IGDCC3: variants seen among roughly 807,000 people sequenced by gnomAD.
IGDCC3 encodes putative neuronal cell adhesion molecule.
In IGDCC3, 47 loss-of-function variants were observed where a neutral mutation model predicts 72.0. That is an observed-to-expected ratio of 0.65 (90% CI 0.52 to 0.83). The LOEUF is 0.83. IGDCC3 is among the 40% of genes least tolerant of loss of function. IGDCC3 has a pLI of 0.00. For missense variants in IGDCC3, 1,038 were observed against 1,091.3 expected, an observed-to-expected ratio of 0.95 and a Z score of 0.69; for synonymous variants, 477 against 472.8, an observed-to-expected ratio of 1.01 and a Z score of -0.11.
chr15:65,333,450 C>CAGAT, intron 5 of IGDCC3, 35 bp from the exon 6 acceptor site: 1 of 1,553,664 alleles, frequency 6.4e-7, no homozygotes, highest in East Asian at 2.3e-5. Flanking sequence ...GGGTGAGGGT[C>CAGAT]AGATAGAGAT....
Position 65,328,412 on chromosome 15 carries a change from G to A in IGDCC3, c.*497C>T, listed in dbSNP as rs1179864269. The A allele has an allele frequency of 6.6e-6, 1 of 152,212 alleles. No homozygotes were observed. Among genetic ancestry groups the A allele is most frequent in the Non-Finnish European group, 1.5e-5 (1 of 68,080 alleles). The allele number at this position is 152,212 out of a possible 1,614,324, so 9.4% of individuals were successfully genotyped here. Reference sequence around the variant, plus strand: ...GGCTCTGTGGGGTAAGGGGGCTGAGGCCACCGCCCCACTGCCCCCCAGGAC... The same window carrying A: ...GGCTCTGTGGGGTAAGGGGGCTGAGACCACCGCCCCACTGCCCCCCAGGAC... On this transcript the variant is annotated 3_prime_UTR_variant, in exon 14 of 14. Coordinates refer to ENST00000327987, the MANE Select transcript of IGDCC3 (RefSeq NM_004884.4).
chr15:65,362,120 G>GA lies in IGDCC3; in HGVS notation c.409+12976_409+12977insT, dbSNP rs2091265922. Among the ~76,000 whole-genome samples the GA allele has an allele frequency of 2.0e-5, 3 of 152,162 alleles. No homozygotes were observed. The East Asian group carries it at 5.8e-4, about 29-fold the overall frequency. On this transcript the variant is annotated intron_variant, in intron 2 of 13. Coordinates refer to ENST00000327987, the MANE Select transcript of IGDCC3 (RefSeq NM_004884.4). ...AAAAGAAGTGGTACAGAGGGAGCTG[G>GA]GGGGCCTGGAGGGAGGCAGAGGAGG...
intron 2 of IGDCC3, among the ~76,000 whole-genome samples, chr15:65,367,662 T>C (rs1312711021): frequency 6.6e-6 from 1 of 152,098 alleles, no homozygotes. Flanking sequence ...GTCCCAGGGC[T>C]TGCCCCACTC....
In IGDCC3 at chr15:65,331,911, T is replaced by C. The variant is rs768023017; in HGVS notation, c.1148+30A>G. ...CCCCGCTTTCCCTGCTCTCCCCTGG[T>C]CCTCACCCCAGCACACACCACACAC... On this transcript the variant is annotated intron_variant, in intron 7 of 13. Transcript: ENST00000327987. 2.5e-6 allele frequency: 4 copies of C among 1,599,682 alleles called. No homozygotes were observed. The East Asian group carries it at 8.9e-5, about 36-fold the overall frequency.
chr15:65,333,422 A>G lies in IGDCC3; in HGVS notation c.824-7T>C. ...ACCCCGATAGGGCGACCATCTGCAGAGGAAGGGGAGGGGGGATGGGTGAGG... is the reference window on the plus strand; with the variant it reads ...ACCCCGATAGGGCGACCATCTGCAGGGGAAGGGGAGGGGGGATGGGTGAGG... On this transcript the variant is annotated splice_region_variant and splice_polypyrimidine_tract_variant and intron_variant, in intron 5 of 13. Transcript: ENST00000327987. 1 of 1,591,608 alleles carries G rather than the reference A, an allele frequency of 6.3e-7. No individual in the cohort carries two copies. Among genetic ancestry groups the G allele is most frequent in the Non-Finnish European group, 8.6e-7 (1 of 1,168,742 alleles).
intron 2 of IGDCC3, among the ~76,000 whole-genome samples, chr15:65,352,160 C>T (rs2091178877): frequency 6.6e-6 from 1 of 152,164 alleles, no homozygotes; most frequent in South Asian, 2.1e-4. Flanking sequence ...TAAAACGTTG[C>T]TGATCCTTTG....
Position 65,329,997 on chromosome 15 carries a change from C to T in IGDCC3, c.1859-133G>A. The T allele has an allele frequency of 1.1e-6, 1 of 927,796 alleles. No homozygotes were observed. The highest frequency in any genetic ancestry group is 1.6e-6 in the Non-Finnish European group (1 of 606,646). 57.5% of individuals were successfully genotyped at this position (927,796 alleles called of 1,614,324 possible). ...GGAGTGGGAACATCCTTTGACTTTG[C>T]CTACAGGACTCCAGACCAATCTTTT... On this transcript the variant is annotated intron_variant, in intron 11 of 13. Transcript: ENST00000327987. This position sits in a 1 kb window ranked among gnomAD's most constrained non-coding sequence, Gnocchi z 4.1.
chr15:65,347,768 T>C (rs2091137129), intron 2 of IGDCC3, among the ~76,000 whole-genome samples: 1 of 152,008 alleles, frequency 6.6e-6, no homozygotes, highest in African/African-American at 2.4e-5. Context: ...CTGTCCTTAC[T>C]AAAAATATAA....
intron 2 of IGDCC3, among the ~76,000 whole-genome samples, chr15:65,343,118 C>T (rs1188821133): frequency 6.6e-6 from 1 of 152,132 alleles, no homozygotes. Flanking sequence ...AGAGCCACTG[C>T]AATAGGGGGA....
At chr15:65,362,753 T>G (rs956581879) in intron 2 of IGDCC3, among the ~76,000 whole-genome samples, 1 of 152,030 alleles carries the variant, frequency 6.6e-6, no homozygotes, top group African/African-American at 2.4e-5. Flanking sequence ...TGTCTGCATC[T>G]TGCACTGGGT....
chr15:65,375,233 C>T lies in IGDCC3; in HGVS notation c.273G>A (p.Leu91=), dbSNP rs138465649. The T allele has an allele frequency of 3.3e-4, 537 of 1,614,242 alleles. 2 individuals carry two copies. The African/African-American group carries it at 6.1e-3, about 18-fold the overall frequency. ...GACGGATCATCAAGGACCCATTGGC[C>T]AGCAAGGTGGAGTGGGTACTCTCTG... ...ELPESTHSTL[L]ANGSLMIRHF... Residue 91 remains leucine, a synonymous_variant, in exon 2 of 14, where the codon CTG becomes CTA. Coordinates refer to ENST00000327987, the MANE Select transcript of IGDCC3 (RefSeq NM_004884.4).
At chr15:65,362,047 A>T (rs2091265405) in intron 2 of IGDCC3, among the ~76,000 whole-genome samples, 1 of 152,028 alleles carries the variant, frequency 6.6e-6, no homozygotes, top group South Asian at 2.1e-4. Context: ...AAGGGGGAGA[A>T]TGACAAGAGC....
chr15:65,345,780 A>G (rs1420988046), intron 2 of IGDCC3, among the ~76,000 whole-genome samples: 1 of 152,166 alleles, frequency 6.6e-6, no homozygotes. Context: ...TTCCATCTGT[A>G]TAACTCTGAG....
At position 65,330,365 on chromosome 15, in the gene IGDCC3, C is replaced by T. The variant is rs774497907; in HGVS notation, c.1786G>A (p.Ala596Thr). The change falls in exon 11 of 14, where the codon GCC (alanine) becomes ACC (threonine). Residue 596 changes from alanine to threonine, a missense_variant. Ala to Thr is a moderately conservative substitution (Grantham distance 58). Coordinates refer to ENST00000327987, the MANE Select transcript of IGDCC3 (RefSeq NM_004884.4). ...TTGCCATCTCCATGCTGGTTGTAGG[C>T]GAGCAGCTTCACCTCATACACTGCA... ...PTAVYEVKLLAYNQHGDGNAT... is the reference protein window; with the variant it reads ...PTAVYEVKLLTYNQHGDGNAT... 72 of 1,613,900 alleles carry T rather than the reference C, an allele frequency of 4.5e-5. No homozygotes were observed. Among genetic ancestry groups the T allele is most frequent in the Non-Finnish European group, 5.5e-5 (65 of 1,179,944 alleles).
At chr15:65,330,978 G>C in intron 9 of IGDCC3, 72 bp downstream of exon 9, 2 of 1,534,352 alleles carry the variant, frequency 1.3e-6, no homozygotes, top group East Asian at 4.5e-5. Context: ...ACCAGAACAA[G>C]TGTGCATGGT....
chr15:65,349,590 C>T (rs944919558), intron 2 of IGDCC3, among the ~76,000 whole-genome samples: 8 of 152,272 alleles, frequency 5.3e-5, no homozygotes, highest in East Asian at 3.9e-4. Context: ...CCTGTATGTC[C>T]GCTTTTCAAG....
intron 1 of IGDCC3, among the ~76,000 whole-genome samples, chr15:65,376,827 GT>G (rs1254567100): frequency 6.6e-6 from 1 of 152,164 alleles, no homozygotes; most frequent in Non-Finnish European, 1.5e-5. Flanking sequence ...GCCCAGATGA[GT>G]GTCTGTGGGG....
intron 2 of IGDCC3, among the ~76,000 whole-genome samples, chr15:65,358,912 A>T (rs1186192028): frequency 6.6e-6 from 1 of 151,832 alleles, no homozygotes; most frequent in Non-Finnish European, 1.5e-5. Flanking sequence ...TGCAACCTCC[A>T]CCTCCCTGGT....
At chr15:65,341,428 G>GCA (rs2091080349) in intron 2 of IGDCC3, among the ~76,000 whole-genome samples, 1 of 152,188 alleles carries the variant, frequency 6.6e-6, no homozygotes, top group African/African-American at 2.4e-5. Flanking sequence ...ATTTGATAAT[G>GCA]TCTATAGCAG....
Sources: allele counts gnomAD v4.1 joint callset (sites outside exome capture counted in the v4.1 genomes callset), GRCh38; gene constraint gnomAD v4.1.1; non-coding constraint Gnocchi (gnomAD v3.1); transcripts MANE v1.5; gene names NCBI Gene and HGNC (gene_info 2026-07-23, HGNC 2026-07-21).